PTPRR: variants seen among roughly 807,000 people sequenced by gnomAD.
PTPRR encodes receptor-type tyrosine-protein phosphatase R.
Under a neutral mutation model 77.2 loss-of-function variants are expected in PTPRR, and 38 were observed. That is an observed-to-expected ratio of 0.49 (90% CI 0.38 to 0.65). The LOEUF is 0.65. Ranked by LOEUF, PTPRR falls within the 30% of genes least tolerant of loss-of-function variation. The probability of loss-of-function intolerance (pLI) is 0.00; values close to 1 mark genes in which losing one functional copy is unlikely to be tolerated. For missense variants in PTPRR, 744 were observed against 799.2 expected (o/e 0.93, Z 0.83); for synonymous variants, 299 against 283.1 (o/e 1.06, Z -0.57).
chr12:70,759,698 A>AAC (rs1197679980), intron 4 of PTPRR, among the ~76,000 whole-genome samples: 1 of 150,300 alleles, frequency 6.7e-6, no homozygotes, highest in Non-Finnish European at 1.5e-5. Flanking sequence ...AAAAAAAAAA[A>AAC]AAAAAAAACA....
At chr12:70,728,531 AT>A (rs1441021673) in intron 6 of PTPRR, among the ~76,000 whole-genome samples, 17 of 29,744 alleles carry the variant, frequency 5.7e-4, no homozygotes, top group Admixed American at 3.2e-3. Flanking sequence ...AAATCTGAAT[AT>A]ATATATATAT....
At chr12:70,759,868 A>G (rs1258438712) in intron 4 of PTPRR, among the ~76,000 whole-genome samples, 1 of 152,122 alleles carries the variant, frequency 6.6e-6, no homozygotes, top group Non-Finnish European at 1.5e-5. Context: ...CATATACCAT[A>G]TTAAGAAATC....
intron 13 of PTPRR, among the ~76,000 whole-genome samples, chr12:70,649,992 C>T (rs1886336105): frequency 6.6e-6 from 1 of 152,180 alleles, no homozygotes; most frequent in African/African-American, 2.4e-5. Context: ...ACTTCTTTCC[C>T]TCTCATTTAG....
At chr12:70,767,885 G>C (rs1471946392) in intron 2 of PTPRR, among the ~76,000 whole-genome samples, 3 of 152,146 alleles carry the variant, frequency 2.0e-5, no homozygotes, top group African/African-American at 7.2e-5. Context: ...CAACTACATG[G>C]AAAATGAACA....
At chr12:70,682,146 C>A (rs909269542) in intron 10 of PTPRR, among the ~76,000 whole-genome samples, 8 of 148,186 alleles carry the variant, frequency 5.4e-5, no homozygotes, top group Non-Finnish European at 1.0e-4. Flanking sequence ...CGGGTTCACG[C>A]CATTCTCCTG....
intron 1 of PTPRR, among the ~76,000 whole-genome samples, chr12:70,907,764 G>T (rs1261070720): frequency 6.6e-6 from 1 of 152,166 alleles, no homozygotes; most frequent in East Asian, 1.9e-4. Context: ...ATAGCAATCA[G>T]ATGTCCCCCA....
chr12:70,715,037 T>A (rs1347513548), intron 6 of PTPRR, among the ~76,000 whole-genome samples: 12 of 152,050 alleles, frequency 7.9e-5, no homozygotes. Flanking sequence ...TTTTTTTTGT[T>A]ATTTAAGACA....
At chr12:70,658,282 A>G (rs1221762713) in intron 12 of PTPRR, among the ~76,000 whole-genome samples, 1 of 152,238 alleles carries the variant, frequency 6.6e-6, no homozygotes, top group Admixed American at 6.5e-5. Flanking sequence ...TCAGTTCAGC[A>G]TTATTCCAAT....
At chr12:70,686,281 G>A (rs143136327) in intron 8 of PTPRR, among the ~76,000 whole-genome samples, 3,081 of 152,172 alleles carry the variant, frequency 0.02, 58 homozygotes, top group Admixed American at 0.037. Flanking sequence ...GACGAAGAAA[G>A]TTTCATAGAA....
At chr12:70,828,502 C>T (rs1892155912) in intron 2 of PTPRR, among the ~76,000 whole-genome samples, 1 of 152,298 alleles carries the variant, frequency 6.6e-6, no homozygotes, top group East Asian at 1.9e-4. Context: ...ATTTTGGCTT[C>T]ATTTTTCTCT....
intron 5 of PTPRR, 114 bp downstream of exon 5, chr12:70,754,077 C>G (rs1203278347): frequency 2.1e-6 from 2 of 973,194 alleles, no homozygotes; most frequent in African/African-American, 3.3e-5. Flanking sequence ...CTAGCAGGAT[C>G]ATAGTCTTCC....
chr12:70,874,862 C>A (rs538802386), intron 2 of PTPRR, among the ~76,000 whole-genome samples: 4 of 134,204 alleles, frequency 3.0e-5, no homozygotes, highest in African/African-American at 1.1e-4. Flanking sequence ...GAGGAGGTTG[C>A]AGTTAGCGGA....
At chr12:70,893,276 A>G (rs1046345473) in intron 1 of PTPRR, among the ~76,000 whole-genome samples, 4 of 151,968 alleles carry the variant, frequency 2.6e-5, no homozygotes, top group Admixed American at 6.6e-5. Context: ...CTACACCCAT[A>G]GTTTCAATAC....
Position 70,672,760 on chromosome 12 carries a change from G to A in PTPRR, c.1498-10155C>T, listed in dbSNP as rs1887282962. The A allele has an allele frequency of 1.1e-5, 17 of 1,555,628 alleles. 1 individual carries two copies. The South Asian group carries it at 1.7e-4, about 15-fold the overall frequency. Reference sequence around the variant, plus strand: ...TGTCATCCTGACTGGGACCTCCCCAGGTGTTGGTGTATTCAGGAAACCTTC... The same window carrying A: ...TGTCATCCTGACTGGGACCTCCCCAAGTGTTGGTGTATTCAGGAAACCTTC... On this transcript the variant is annotated intron_variant, in intron 10 of 13. Transcript: ENST00000283228.
At chr12:70,906,186 T>C (rs575225918) in intron 1 of PTPRR, among the ~76,000 whole-genome samples, 20 of 152,150 alleles carry the variant, frequency 1.3e-4, no homozygotes, top group African/African-American at 4.8e-4. Flanking sequence ...ACTTCTCTCT[T>C]CTCGTCTGTG....
intron 8 of PTPRR, among the ~76,000 whole-genome samples, chr12:70,693,676 G>T (rs1208251848): frequency 6.6e-6 from 1 of 150,838 alleles, no homozygotes; most frequent in African/African-American, 2.4e-5. Flanking sequence ...AGGTTTCCAA[G>T]AAAAACTCTT....
At chr12:70,777,667 G>T (rs1444919670) in intron 2 of PTPRR, among the ~76,000 whole-genome samples, 1 of 152,152 alleles carries the variant, frequency 6.6e-6, no homozygotes, top group East Asian at 1.9e-4. Context: ...AGTTAACAAT[G>T]AGGATGCCTT....
chr12:70,756,509 T>C (rs1011667090), intron 4 of PTPRR, among the ~76,000 whole-genome samples: 1 of 152,166 alleles, frequency 6.6e-6, no homozygotes, highest in Non-Finnish European at 1.5e-5. Context: ...GTTAACCCCA[T>C]GCTTTTTATA....
intron 2 of PTPRR, among the ~76,000 whole-genome samples, chr12:70,859,860 C>G (rs1337556314): frequency 1.3e-5 from 2 of 152,078 alleles, no homozygotes; most frequent in African/African-American, 2.4e-5. Context: ...ACAGGTATTA[C>G]AGTGATAACC....
Sources: allele counts gnomAD v4.1 joint callset (sites outside exome capture counted in the v4.1 genomes callset), GRCh38; gene constraint gnomAD v4.1.1; transcripts MANE v1.5; gene names NCBI Gene and HGNC (gene_info 2026-07-23, HGNC 2026-07-21).